Variants in FRMPD4 observed in about 807,000 individuals in gnomAD.
The protein encoded by FRMPD4 is FERM and PDZ domain containing 4, also known as FERM and PDZ domain-containing protein 4.
Under a neutral mutation model 94.1 loss-of-function variants are expected in FRMPD4, and 22 were observed. The ratio of observed to expected loss-of-function variants is 0.23; its 90% confidence interval spans 0.17 to 0.33. The LOEUF is 0.33. Ranked by LOEUF, FRMPD4 falls within the 10% of genes least tolerant of loss-of-function variation. The probability of loss-of-function intolerance (pLI) is 1.00; values close to 1 mark genes in which losing one functional copy is unlikely to be tolerated. For missense variants in FRMPD4, 1,111 were observed against 1,339.9 expected (o/e 0.83, Z 2.67); for synonymous variants, 631 against 548.6 (o/e 1.15, Z -2.10).
At chrX:12,539,822 C>T (rs1376104390) in intron 2 of FRMPD4, among the ~76,000 whole-genome samples, 9 of 111,110 alleles carry the variant, frequency 8.1e-5, no homozygotes, top group African/African-American at 1.3e-4. Context: ...TTAGTAGAGA[C>T]GGGTTTTCTC....
intron 3 of FRMPD4, among the ~76,000 whole-genome samples, chrX:11,900,542 T>A (rs2053930795): frequency 8.9e-6 from 1 of 112,048 alleles, no homozygotes; most frequent in Non-Finnish European, 1.9e-5. Context: ...GGTTGGTTGG[T>A]CCATATCTGT....
At chrX:12,199,237 ATGTGTGTG>A (rs5901464) in intron 1 of FRMPD4, among the ~76,000 whole-genome samples, 33 of 91,276 alleles carry the variant, frequency 3.6e-4, no homozygotes, top group African/African-American at 1.3e-3. Context: ...AGAAAGGAAA[ATGTGTGTG>A]TGTGTGTGTG....
At chrX:12,007,417 G>C (rs1041731883) in intron 3 of FRMPD4, among the ~76,000 whole-genome samples, 5 of 112,100 alleles carry the variant, frequency 4.5e-5, no homozygotes, top group African/African-American at 1.6e-4. Flanking sequence ...TGCAGTAACA[G>C]ATATCCAGAA....
intron 1 of FRMPD4, among the ~76,000 whole-genome samples, chrX:12,221,595 G>C (rs901867303): frequency 2.1e-4 from 24 of 112,357 alleles, no homozygotes; most frequent in African/African-American, 7.4e-4. Flanking sequence ...TGGGTAGACT[G>C]TCCGACTGGA....
intron 1 of FRMPD4, among the ~76,000 whole-genome samples, chrX:12,166,129 A>G (rs199596415): frequency 0.14 from 15,922 of 111,146 alleles, 997 homozygotes; most frequent in South Asian, 0.31. Context: ...GTCTTGTGCC[A>G]GTTTTCAAAG....
chrX:12,542,318 A>G (rs1275956754), intron 2 of FRMPD4, among the ~76,000 whole-genome samples: 2 of 112,211 alleles, frequency 1.8e-5, no homozygotes, highest in Non-Finnish European at 3.8e-5. Flanking sequence ...TGCAGATTAC[A>G]TGATTGTATA....
chrX:12,346,355 T>C (rs1474932055), intron 1 of FRMPD4, among the ~76,000 whole-genome samples: 2 of 110,703 alleles, frequency 1.8e-5, no homozygotes, highest in Non-Finnish European at 1.9e-5. Flanking sequence ...AATTGTTATA[T>C]TGGGGGATTG....
intron 1 of FRMPD4, among the ~76,000 whole-genome samples, chrX:12,410,125 TTC>T (rs1241034720): frequency 9.0e-6 from 1 of 111,149 alleles, no homozygotes; most frequent in African/African-American, 3.3e-5. Context: ...TTTTATCAGT[TTC>T]TGACACTTTA....
chrX:12,537,792 A>G (rs930423710), intron 2 of FRMPD4, among the ~76,000 whole-genome samples: 1 of 110,212 alleles, frequency 9.1e-6, no homozygotes, highest in South Asian at 3.9e-4. Context: ...AAGCACGCCT[A>G]TTGTCTGAAT....
At chrX:12,343,377 C>T (rs938853970) in intron 1 of FRMPD4, among the ~76,000 whole-genome samples, 1 of 111,558 alleles carries the variant, frequency 9.0e-6, no homozygotes, top group Non-Finnish European at 1.9e-5. Flanking sequence ...GATTGGGAGG[C>T]GTCAGCAGGC....
chrX:12,653,740 A>G (rs1243956774), intron 4 of FRMPD4, among the ~76,000 whole-genome samples: 1 of 111,435 alleles, frequency 9.0e-6, no homozygotes, highest in Non-Finnish European at 1.9e-5. Flanking sequence ...TACTAAAAAA[A>G]AAAAAAAAAG....
intron 1 of FRMPD4, among the ~76,000 whole-genome samples, chrX:12,367,510 T>C (rs2056101719): frequency 8.9e-6 from 1 of 112,442 alleles, no homozygotes; most frequent in African/African-American, 3.2e-5. Context: ...CAAGGATTTA[T>C]GGATGCCAGT....
intron 1 of FRMPD4, among the ~76,000 whole-genome samples, chrX:12,187,881 A>G (rs2056442982): frequency 8.9e-6 from 1 of 111,877 alleles, no homozygotes; most frequent in African/African-American, 3.2e-5. Flanking sequence ...GTTCTAGATC[A>G]TAAGGACCCA....
At chrX:12,278,174 C>T (rs940832729) in intron 1 of FRMPD4, among the ~76,000 whole-genome samples, 8 of 111,978 alleles carry the variant, frequency 7.1e-5, no homozygotes, top group Non-Finnish European at 3.8e-5. Context: ...AAGTTCATAC[C>T]TTTTCTCAAT....
chrX:12,031,130 A>T (rs2054689254), intron 3 of FRMPD4, among the ~76,000 whole-genome samples: 1 of 111,956 alleles, frequency 8.9e-6, no homozygotes, highest in Non-Finnish European at 1.9e-5. Flanking sequence ...TGGGTAGAGG[A>T]GGAGTAAATA....
intron 3 of FRMPD4, among the ~76,000 whole-genome samples, chrX:12,122,401 C>T (rs941571545): frequency 6.3e-5 from 7 of 111,780 alleles, no homozygotes; most frequent in African/African-American, 2.3e-4. Context: ...TCTGTAGGTC[C>T]TTGGAGTGGT....
chrX:12,621,280 T>G (rs1408000618), intron 4 of FRMPD4, among the ~76,000 whole-genome samples: 1 of 109,527 alleles, frequency 9.1e-6, no homozygotes, highest in African/African-American at 3.3e-5. Context: ...AAAGAGATGT[T>G]TGCCCTCTCA....
chrX:12,410,326 A>C (rs1294473280), intron 1 of FRMPD4, among the ~76,000 whole-genome samples: 2 of 111,430 alleles, frequency 1.8e-5, no homozygotes, highest in Admixed American at 1.9e-4. Context: ...AATTTGCATA[A>C]ATCTTTTTGT....
chrX:12,715,997 A>AGCCGGGGG, intron 14 of FRMPD4, 72 bp from the exon 15 acceptor site: 9 of 387,117 alleles, frequency 2.3e-5, no homozygotes, highest in Admixed American at 3.6e-5. Flanking sequence ...AACAGAGACG[A>AGCCGGGGG]GCCTCCCACC....
Sources: gnomAD v4.1 joint callset for allele counts (sites outside exome capture counted in the v4.1 genomes callset) on GRCh38, gnomAD v4.1.1 for gene constraint, MANE v1.5 for transcripts, NCBI Gene and HGNC (gene_info 2026-07-23, HGNC 2026-07-21) for gene names.